Variants in SLIT3 observed in about 807,000 individuals in gnomAD.
SLIT3 encodes the protein slit guidance ligand 3, also known as slit homolog 3 protein.
A neutral mutation model predicts 184.0 loss-of-function variants in SLIT3; 68 were observed. That is an observed-to-expected ratio of 0.37 (90% CI 0.30 to 0.45). SLIT3 has a LOEUF of 0.45. SLIT3 is among the 20% of genes least tolerant of loss of function. The pLI is 1.00. For synonymous variants in SLIT3, 831 were observed against 828.6 expected (o/e 1.00, Z -0.05); for missense variants, 1,707 against 2,026.0 (o/e 0.84, Z 3.02).
At chr5:168,772,582 G>A (rs1422626852) in intron 14 of SLIT3, 199 bp downstream of exon 14, 56 of 588,518 alleles carry the variant, frequency 9.5e-5, no homozygotes, top group African/African-American at 2.6e-4. Flanking sequence ...GTGTGTGTGT[G>A]TGTGTGTGTG....
chr5:169,295,362 G>A (rs980506205), intron 1 of SLIT3, among the ~76,000 whole-genome samples: 1 of 152,228 alleles, frequency 6.6e-6, no homozygotes, highest in African/African-American at 2.4e-5. Context: ...ATCATAGAGG[G>A]ATAAACAATC....
intron 4 of SLIT3, among the ~76,000 whole-genome samples, chr5:168,967,437 C>CTTTTTTTTTGTTTTTTTTTTTTT (rs1763238331): frequency 3.1e-5 from 1 of 32,732 alleles, no homozygotes; most frequent in Non-Finnish European, 5.6e-5. Context: ...CATCTCAAAT[C>CTTTTTTTTTGTTTTTTTTTTTTT]TTTTTTTTTT....
At chr5:168,757,594 C>T (rs542011824) in intron 16 of SLIT3, among the ~76,000 whole-genome samples, 26 of 152,224 alleles carry the variant, frequency 1.7e-4, no homozygotes, top group East Asian at 5.8e-4. Flanking sequence ...CCATTGCGCC[C>T]GGCTAATTTT....
At position 168,755,400 on chromosome 5, in the gene SLIT3, T is replaced by TCCTTC. The variant is rs1491510050; in HGVS notation, c.1686-1394_1686-1393insGAAGG. 1.7e-4 allele frequency among the ~76,000 whole-genome samples: 3 copies of TCCTTC among 17,514 alleles called. No homozygotes were observed. In the East Asian group the frequency reaches 5.5e-3, roughly 32 times the overall value. The allele number at this position is 17,514 out of a possible 152,430, so 11.5% of individuals were successfully genotyped here. On this transcript the variant is annotated intron_variant, in intron 16 of 35. Transcript: ENST00000519560. Reference sequence around the variant, plus strand: ...CCCTCAGTGCCGCCATTTCTTTCTTTCTTTCTTTCTTTCTTTCTTTCTTTC... The same window carrying TCCTTC: ...CCCTCAGTGCCGCCATTTCTTTCTTTCCTTCCTTTCTTTCTTTCTTTCTTTCTTTC...
intron 6 of SLIT3, among the ~76,000 whole-genome samples, chr5:168,823,694 GA>G (rs1757610562): frequency 1.3e-5 from 2 of 152,120 alleles, no homozygotes; most frequent in African/African-American, 4.8e-5. Context: ...TATGGAGAAG[GA>G]AACAGATATG....
At chr5:168,897,647 T>TGCGCGCACACAC (rs3223457) in intron 4 of SLIT3, among the ~76,000 whole-genome samples, 2 of 141,412 alleles carry the variant, frequency 1.4e-5, no homozygotes, top group Admixed American at 7.1e-5. Flanking sequence ...CAGGTGCACG[T>TGCGCGCACACAC]ACACACACAC....
At chr5:168,960,117 G>A (rs1561574959) in intron 4 of SLIT3, among the ~76,000 whole-genome samples, 1 of 152,178 alleles carries the variant, frequency 6.6e-6, no homozygotes, top group African/African-American at 2.4e-5. Context: ...ATGTAGCATG[G>A]TCAAATGACT....
intron 1 of SLIT3, among the ~76,000 whole-genome samples, chr5:169,283,017 C>G (rs1559075): frequency 0.75 from 114,110 of 152,156 alleles, 42,865 homozygotes; most frequent in South Asian, 0.8. Flanking sequence ...AGTTTGAGAA[C>G]CAGGGCTTCA....
At chr5:168,678,969 T>C (rs1489959606) in intron 32 of SLIT3, among the ~76,000 whole-genome samples, 8 of 152,196 alleles carry the variant, frequency 5.3e-5, no homozygotes, top group Non-Finnish European at 8.8e-5. Flanking sequence ...TGGAGAGCTC[T>C]GGAGTTGTCA....
At chr5:168,756,507 G>A (rs1393052665) in intron 16 of SLIT3, among the ~76,000 whole-genome samples, 1 of 152,204 alleles carries the variant, frequency 6.6e-6, no homozygotes, top group African/African-American at 2.4e-5. Context: ...AGGAAAACAG[G>A]AGTAAGCATT....
chr5:169,010,218 T>G (rs1188055716), intron 4 of SLIT3, among the ~76,000 whole-genome samples: 2 of 152,312 alleles, frequency 1.3e-5, no homozygotes, highest in East Asian at 3.9e-4. Flanking sequence ...CAGCAACTTC[T>G]CAGGTACCCA....
chr5:168,931,370 T>C (rs1029562178), intron 4 of SLIT3, among the ~76,000 whole-genome samples: 6 of 152,232 alleles, frequency 3.9e-5, no homozygotes, highest in African/African-American at 1.4e-4. Flanking sequence ...CTGATCTTTC[T>C]ATCCATCCGT....
chr5:168,911,760 G>A (rs1375802425), intron 4 of SLIT3, among the ~76,000 whole-genome samples: 2 of 152,152 alleles, frequency 1.3e-5, no homozygotes, highest in African/African-American at 2.4e-5. Context: ...ATCATGTGTG[G>A]TTTTAGAGAA....
At chr5:169,073,001 C>T (rs1421824686) in intron 4 of SLIT3, among the ~76,000 whole-genome samples, 3 of 152,218 alleles carry the variant, frequency 2.0e-5, no homozygotes, top group Non-Finnish European at 4.4e-5. Context: ...GAGACTCATC[C>T]AATAATTACA....
At chr5:169,218,492 G>A (rs1020516992) in intron 3 of SLIT3, among the ~76,000 whole-genome samples, 3 of 152,210 alleles carry the variant, frequency 2.0e-5, no homozygotes, top group Non-Finnish European at 4.4e-5. Context: ...TTCTGACTCT[G>A]CCTGTCAATC....
At position 168,888,761 on chromosome 5, in the gene SLIT3, T is replaced by C. The variant is rs192424058; in HGVS notation, c.414-5425A>G. On this transcript the variant is annotated intron_variant, in intron 4 of 35. Coordinates refer to ENST00000519560, the MANE Select transcript of SLIT3 (RefSeq NM_003062.4). ...TTAGTTAGGCTAAAATAGGGGATGA[T>C]CTTCAAAGCATTTATGTTTGGAACC... Among the ~76,000 whole-genome samples the C allele has an allele frequency of 1.1e-4, 17 of 152,290 alleles. No individual in the cohort carries two copies. The East Asian group carries it at 1.9e-3, about 17-fold the overall frequency.
intron 3 of SLIT3, among the ~76,000 whole-genome samples, chr5:169,195,534 T>C (rs1763714156): frequency 6.6e-6 from 1 of 152,160 alleles, no homozygotes; most frequent in Non-Finnish European, 1.5e-5. Flanking sequence ...GACTCTTGTT[T>C]TGTTTTGTTT....
Position 168,773,236 on chromosome 5 carries a change from C to CGATTGCTTCTACTGT in SLIT3, c.1296-293_1296-292insACAGTAGAAGCAATC, listed in dbSNP as rs1388814519. 4.1e-4 allele frequency among the ~76,000 whole-genome samples: 62 copies of CGATTGCTTCTACTGT among 152,310 alleles called. 1 individual carries two copies. Among genetic ancestry groups the CGATTGCTTCTACTGT allele is most frequent in the African/African-American group, 1.5e-3 (61 of 41,568 alleles). On this transcript the variant is annotated intron_variant, in intron 13 of 35. Coordinates refer to ENST00000519560, the MANE Select transcript of SLIT3 (RefSeq NM_003062.4). ...CACCACCGATTGCTTCTACTCTCAC[C>CGATTGCTTCTACTGT]CACGCCAATTCTGACAGACAAACCC...
At chr5:169,252,663 T>A (rs1354077051) in intron 1 of SLIT3, among the ~76,000 whole-genome samples, 1 of 152,214 alleles carries the variant, frequency 6.6e-6, no homozygotes, top group Non-Finnish European at 1.5e-5. Context: ...TTCAACAAGG[T>A]ATCTGTGAAT....
Sources: gnomAD v4.1 joint callset for allele counts (sites outside exome capture counted in the v4.1 genomes callset) on GRCh38, gnomAD v4.1.1 for gene constraint, MANE v1.5 for transcripts, NCBI Gene and HGNC (gene_info 2026-07-23, HGNC 2026-07-21) for gene names.